The following PTPRK variants were observed in gnomAD, a reference collection of about 807,000 sequenced individuals.
The protein encoded by PTPRK is receptor-type tyrosine-protein phosphatase kappa.
In PTPRK, 75 loss-of-function variants were observed where a neutral mutation model predicts 178.0. That is an observed-to-expected ratio of 0.42 (90% CI 0.35 to 0.51). PTPRK has a LOEUF of 0.51. Among genes scored for constraint, PTPRK ranks in the 20% least tolerant of loss-of-function variants. The pLI is 0.02. For missense variants in PTPRK, 1,441 were observed against 1,797.8 expected (o/e 0.80, Z 3.59); for synonymous variants, 637 against 620.6 (o/e 1.03, Z -0.39).
chr6:128,336,481 AT>A (rs1830950332), intron 2 of PTPRK, among the ~76,000 whole-genome samples: 1 of 152,112 alleles, frequency 6.6e-6, no homozygotes, highest in Admixed American at 6.5e-5. Flanking sequence ...ATGGGAGGTA[AT>A]TTTTCTCTTA....
At position 127,991,015 on chromosome 6, in the gene PTPRK, T is replaced by C. The variant is rs777872705; in HGVS notation, c.2980-130A>G. The C allele has an allele frequency of 2.6e-5, 17 of 644,454 alleles. No individual in the cohort carries two copies. The East Asian group carries it at 4.6e-4, about 17-fold the overall frequency. 39.9% of individuals were successfully genotyped at this position (644,454 alleles called of 1,614,324 possible). A position where few individuals can be genotyped will look rare whatever the true frequency, so the allele number is the denominator to read the frequency against. On this transcript the variant is annotated intron_variant, in intron 20 of 29. Coordinates refer to ENST00000368226, the MANE Select transcript of PTPRK (RefSeq NM_002844.4). ...TAAAAATCTATAAATGAGAAAAAAATCTATTATACAATAAACAGAGTTTAT... is the reference window on the plus strand; with the variant it reads ...TAAAAATCTATAAATGAGAAAAAAACCTATTATACAATAAACAGAGTTTAT...
At chr6:128,204,197 G>A (rs1165157970) in intron 6 of PTPRK, among the ~76,000 whole-genome samples, 1 of 152,134 alleles carries the variant, frequency 6.6e-6, no homozygotes, top group East Asian at 1.9e-4. Flanking sequence ...TTAATAAATG[G>A]TGCTGGGAGA....
Position 128,269,520 on chromosome 6 carries a change from T to A in PTPRK, c.496-26918A>T, listed in dbSNP as rs561531631. On this transcript the variant is annotated intron_variant, in intron 3 of 29. Coordinates refer to ENST00000368226, the MANE Select transcript of PTPRK (RefSeq NM_002844.4). ...AACAGGATGGTTAAAAAAATAAATT[T>A]AAAAAAAAAAAAGGTATAATTAGAG... Among the ~76,000 whole-genome samples the A allele has an allele frequency of 6.3e-3, 894 of 141,960 alleles. 4 individuals carry two copies. Among genetic ancestry groups the A allele is most frequent in the Non-Finnish European group, 8.3e-3 (531 of 64,352 alleles). The allele number at this position is 141,960 out of a possible 152,430, so 93.1% of individuals were successfully genotyped here. A position where few individuals can be genotyped will look rare whatever the true frequency, so the allele number is the denominator to read the frequency against.
intron 7 of PTPRK, among the ~76,000 whole-genome samples, chr6:128,165,699 AC>A (rs1477747976): frequency 2.6e-5 from 4 of 151,410 alleles, no homozygotes; most frequent in African/African-American, 9.7e-5. Flanking sequence ...TTTCCTCATT[AC>A]AAATTTTCAA....
At chr6:128,203,594 A>G (rs1231297802) in intron 6 of PTPRK, among the ~76,000 whole-genome samples, 7 of 152,214 alleles carry the variant, frequency 4.6e-5, no homozygotes. Flanking sequence ...AGGATAATCA[A>G]TGTGAAAAAA....
intron 6 of PTPRK, among the ~76,000 whole-genome samples, chr6:128,193,903 GT>G (rs1260929221): frequency 2.0e-5 from 3 of 151,860 alleles, no homozygotes; most frequent in Non-Finnish European, 2.9e-5. Flanking sequence ...GGATGAAAAG[GT>G]GATGGAATTT....
At chr6:128,236,619 T>C (rs1482285599) in intron 5 of PTPRK, among the ~76,000 whole-genome samples, 2 of 152,146 alleles carry the variant, frequency 1.3e-5, no homozygotes, top group East Asian at 3.9e-4. Context: ...AGTGCTGGGA[T>C]TACAGGCGTG....
rs368079280 is a variant in PTPRK, at chr6:128,467,473, G to A, written c.100+52786C>T. ...CTCCCAGAAGAACTACATCCTAACC[G>A]TAAGAAAACTTACAGATCTGTGTCA... On this transcript the variant is annotated intron_variant, in intron 1 of 29. Transcript: ENST00000368226. Among the ~76,000 whole-genome samples the A allele has an allele frequency of 8.1e-4, 124 of 152,248 alleles. 3 individuals carry two copies. The South Asian group carries it at 0.022, about 27-fold the overall frequency.
At chr6:128,151,129 G>C (rs1797185802) in intron 7 of PTPRK, among the ~76,000 whole-genome samples, 1 of 151,976 alleles carries the variant, frequency 6.6e-6, no homozygotes, top group South Asian at 2.1e-4. Flanking sequence ...TGAATTTCTA[G>C]ATCTGTTGCA....
intron 7 of PTPRK, among the ~76,000 whole-genome samples, chr6:128,158,259 G>A (rs369464036): frequency 3.3e-5 from 5 of 151,808 alleles, no homozygotes; most frequent in East Asian, 3.9e-4. Context: ...GGGGCCTGTC[G>A]TGGGGTGGGG....
chr6:128,279,975 T>C (rs994483587), intron 3 of PTPRK, among the ~76,000 whole-genome samples: 2 of 152,178 alleles, frequency 1.3e-5, no homozygotes, highest in Non-Finnish European at 2.9e-5. Flanking sequence ...AACAGACCCA[T>C]TGGACATGCA....
At chr6:128,216,198 C>G (rs1455419256) in intron 6 of PTPRK, among the ~76,000 whole-genome samples, 1 of 152,058 alleles carries the variant, frequency 6.6e-6, no homozygotes. Context: ...CTCAACCTTT[C>G]CAACATAAAA....
At chr6:128,170,727 C>T (rs550655086) in intron 7 of PTPRK, among the ~76,000 whole-genome samples, 7 of 151,966 alleles carry the variant, frequency 4.6e-5, no homozygotes, top group Non-Finnish European at 1.0e-4. Context: ...TCCTTCCAAA[C>T]CACACAGACT....
Position 128,242,517 on chromosome 6 carries a change from C to T in PTPRK, c.577+4G>A. ...GAAAAATACAATTCTTAATCACAAC[C>T]TACCACAAGGATAACTCAGTACTTG... On this transcript the variant is annotated splice_donor_region_variant and intron_variant, in intron 4 of 29. Transcript: ENST00000368226. 1 of 1,610,748 alleles carries T rather than the reference C, an allele frequency of 6.2e-7. No individual in the cohort carries two copies. Among genetic ancestry groups the T allele is most frequent in the South Asian group, 1.1e-5 (1 of 90,354 alleles).
At chr6:128,512,106 C>G (rs1338520735) in intron 1 of PTPRK, among the ~76,000 whole-genome samples, 3 of 152,150 alleles carry the variant, frequency 2.0e-5, no homozygotes. Context: ...CTGTGAAGTT[C>G]TTGAAGATAT....
At chr6:128,232,670 C>T (rs1812505816) in intron 5 of PTPRK, among the ~76,000 whole-genome samples, 1 of 152,158 alleles carries the variant, frequency 6.6e-6, no homozygotes, top group Admixed American at 6.5e-5. Context: ...GTAAATAAGT[C>T]ACTTACCTAA....
chr6:128,000,724 C>T (rs575146385), intron 15 of PTPRK, among the ~76,000 whole-genome samples: 28 of 152,078 alleles, frequency 1.8e-4, no homozygotes, highest in African/African-American at 4.8e-4. Context: ...TGGGCACTGC[C>T]ACAGAATATA....
intron 1 of PTPRK, among the ~76,000 whole-genome samples, chr6:128,518,159 C>G (rs1240801693): frequency 6.6e-6 from 1 of 152,188 alleles, no homozygotes; most frequent in Non-Finnish European, 1.5e-5. Flanking sequence ...AGGGCAAAAT[C>G]TTGAGATGCA....
intron 7 of PTPRK, among the ~76,000 whole-genome samples, chr6:128,160,757 T>A (rs1044439822): frequency 6.6e-6 from 1 of 151,334 alleles, no homozygotes. Context: ...AAATAAGTAT[T>A]AATAATATGT....
Sources: allele counts gnomAD v4.1 joint callset (sites outside exome capture counted in the v4.1 genomes callset), GRCh38; gene constraint gnomAD v4.1.1; transcripts MANE v1.5; gene names NCBI Gene and HGNC (gene_info 2026-07-23, HGNC 2026-07-21).